The following PPP1R3F variants were observed in gnomAD, a reference collection of about 807,000 sequenced individuals.
PPP1R3F encodes the protein protein phosphatase 1, regulatory (inhibitor) subunit 3F.
In PPP1R3F, 29 loss-of-function variants were observed where a neutral mutation model predicts 24.2. The ratio of observed to expected loss-of-function variants is 1.20; its 90% confidence interval spans 0.89 to 1.63. The LOEUF (loss-of-function observed/expected upper bound fraction) is 1.63, where lower values mean the gene tolerates loss of function less well. Ranked by LOEUF, PPP1R3F falls within the 40% of genes most tolerant of loss-of-function variation. The pLI is 0.00. For synonymous variants in PPP1R3F, 363 were observed against 340.1 expected, an observed-to-expected ratio of 1.07 and a Z score of -0.74; for missense variants, 823 against 729.3, an observed-to-expected ratio of 1.13 and a Z score of -1.48.
rs782048753 is a variant in PPP1R3F at position 49,270,594 on chromosome X, G to T, written c.725G>T (p.Arg242Leu). Residue 242 changes from arginine (R) to leucine (L), a missense_variant, in exon 1 of 4, where the codon CGC becomes CTC. Arg to Leu is a moderately radical substitution (Grantham distance 102). Transcript: ENST00000055335. ...SSPDDGGRTD[R>L]FAFQLPFAEG... is the part of the protein sequence containing the mutation. ...CCCGACGACGGCGGCCGCACCGACCGCTTTGCCTTCCAGCTGCCCTTTGCT... is the reference window on the plus strand; with the variant it reads ...CCCGACGACGGCGGCCGCACCGACCTCTTTGCCTTCCAGCTGCCCTTTGCT... The T allele has an allele frequency of 1.7e-6, 2 of 1,203,339 alleles. No homozygotes were observed. The highest frequency in any genetic ancestry group is 3.5e-5 in the African/African-American group (2 of 57,701).
intron 3 of PPP1R3F, among the ~76,000 whole-genome samples, chrX:49,298,316 T>C (rs887505562): frequency 4.4e-5 from 5 of 112,423 alleles, no homozygotes; most frequent in Admixed American, 3.8e-4. Context: ...GAAAATTCTT[T>C]TCTTTAAGAA....
At chrX:49,279,851 G>C (rs1316785973) in intron 1 of PPP1R3F, among the ~76,000 whole-genome samples, 1 of 112,650 alleles carries the variant, frequency 8.9e-6, no homozygotes, top group Non-Finnish European at 1.9e-5. Flanking sequence ...AATAAGAACA[G>C]TGACTTCTCC....
intron 3 of PPP1R3F, among the ~76,000 whole-genome samples, chrX:49,299,221 C>G (rs782031446): frequency 8.9e-6 from 1 of 112,000 alleles, no homozygotes; most frequent in Non-Finnish European, 1.9e-5. Flanking sequence ...GATGTTGATA[C>G]TACTCCTTTC....
intron 3 of PPP1R3F, among the ~76,000 whole-genome samples, chrX:49,297,754 TTCTTTGTCTCTTTTGA>T (rs782492655): frequency 1.0e-4 from 11 of 110,360 alleles, no homozygotes; most frequent in African/African-American, 3.3e-4. Flanking sequence ...TGTAATGCCC[TTCTTTGTCTCTTTTGA>T]TCTTTGTCTC....
chrX:49,297,185 TTTTATTTATTTATTTA>T (rs200480890), intron 3 of PPP1R3F, among the ~76,000 whole-genome samples: 24 of 94,043 alleles, frequency 2.6e-4, no homozygotes, highest in African/African-American at 8.3e-4. Context: ...CTTGCTTTAT[TTTTATTTATTTATTTA>T]TTTATTTATT....
chrX:49,281,351 G>A, intron 1 of PPP1R3F, 55 bp from the exon 2 acceptor site: 3 of 1,017,539 alleles, frequency 2.9e-6, no homozygotes, highest in Non-Finnish European at 2.7e-6. Context: ...GTGGGTGGCA[G>A]AAGTGACCTC....
At chrX:49,280,756 AG>A (rs2147968987) in intron 1 of PPP1R3F, 1 of 111,198 alleles carries the variant, frequency 9.0e-6, no homozygotes, top group East Asian at 2.8e-4. Flanking sequence ...CATGTTGCCC[AG>A]GCTGGTCTTG....
At chrX:49,289,781 CTT>C (rs1231997825), downstream of PPP1R3F, among the ~76,000 whole-genome samples, 1 of 111,408 alleles carries the variant, frequency 9.0e-6, no homozygotes, top group Non-Finnish European at 1.9e-5. Context: ...TTAAAACAGA[CTT>C]ATGGGCTGGG....
At chrX:49,277,482 G>A (rs868945846) in intron 1 of PPP1R3F, among the ~76,000 whole-genome samples, 1 of 112,646 alleles carries the variant, frequency 8.9e-6, no homozygotes, top group African/African-American at 3.2e-5. Context: ...TGGGGCTGGT[G>A]CCAAAAGAAC....
At position 49,286,820 on chromosome X, in the gene PPP1R3F, G is replaced by A; in HGVS notation, c.2130G>A (p.Leu710=). Residue 710 remains leucine, a synonymous_variant, in exon 4 of 4, where the codon TTG becomes TTA. Transcript: ENST00000055335. ...QGQNPTLLSP[L]GAEVCLSSVA... is the part of the protein sequence containing the mutation. ...AAAATCCCACCCTCCTCAGTCCCTT[G>A]GGGGCCGAAGTCTGTCTCTCTAGTG... The A allele has an allele frequency of 8.3e-7, 1 of 1,201,273 alleles. No homozygotes were observed.
downstream of PPP1R3F, among the ~76,000 whole-genome samples, chrX:49,289,940 G>A (rs1281985997): frequency 9.0e-6 from 1 of 110,592 alleles, no homozygotes; most frequent in Admixed American, 9.6e-5. Flanking sequence ...GTGGTGGTGG[G>A]CGCCTGTAAT....
intron 1 of PPP1R3F, among the ~76,000 whole-genome samples, chrX:49,278,194 A>G (rs1308531160): frequency 8.9e-6 from 1 of 111,732 alleles, no homozygotes; most frequent in Non-Finnish European, 1.9e-5. Flanking sequence ...TCTCACATCT[A>G]TGACTGCAGT....
chrX:49,291,850 C>T (rs1269530383), downstream of PPP1R3F, among the ~76,000 whole-genome samples: 2 of 110,733 alleles, frequency 1.8e-5, no homozygotes, highest in African/African-American at 6.6e-5. Context: ...CCTGCTATCA[C>T]CCACCCGCAT....
Position 49,269,825 on chromosome X carries a change from G to C in PPP1R3F, c.-45G>C. ...GCCCGCCCCTTCAGGCCCTGCCCCC[G>C]CCGGTCCCGCCGCCGGTGCCGTCGG... On this transcript the variant is annotated 5_prime_UTR_variant, in exon 1 of 4. Coordinates refer to ENST00000055335, the MANE Select transcript of PPP1R3F (RefSeq NM_033215.5). 6.0e-6 allele frequency: 5 copies of C among 832,079 alleles called. 1 individual carries two copies. The highest frequency in any genetic ancestry group is 1.1e-4 in the East Asian group (2 of 17,561). The allele number at this position is 832,079 out of a possible 1,213,427, so 68.6% of individuals were successfully genotyped here. A position where few individuals can be genotyped will look rare whatever the true frequency, so the allele number is the denominator to read the frequency against.
chrX:49,275,602 G>T (rs1421305951), intron 1 of PPP1R3F: 2 of 111,344 alleles, frequency 1.8e-5, no homozygotes, highest in African/African-American at 6.5e-5. Context: ...ATCGCAGTTT[G>T]TAGTTATATC....
At chrX:49,275,154 G>C (rs2066204949) in intron 1 of PPP1R3F, 1 of 111,118 alleles carries the variant, frequency 9.0e-6, no homozygotes, top group African/African-American at 3.3e-5. Flanking sequence ...GCCTGTACTT[G>C]CCTTCTGCAC....
chrX:49,291,461 A>G (rs1302509389), downstream of PPP1R3F, among the ~76,000 whole-genome samples: 1 of 107,423 alleles, frequency 9.3e-6, no homozygotes, highest in African/African-American at 3.4e-5. Context: ...CTGAGTAGCT[A>G]GGATTACAGG....
At position 49,270,663 on chromosome X, in the gene PPP1R3F, A is replaced by G. The variant is rs144692571; in HGVS notation, c.794A>G (p.Tyr265Cys). Reference protein sequence around the residue: ...DGARLDFVVRYETPEGTFWAN... With the variant: ...DGARLDFVVRCETPEGTFWAN... ...GCGCGCCTCGACTTCGTGGTGCGCT[A>G]TGAGACCCCTGAGGGCACTTTCTGG... The change falls in exon 1 of 4, where the codon TAT (tyrosine) becomes TGT (cysteine). Residue 265 changes from tyrosine to cysteine, a missense_variant. Tyr to Cys is a radical substitution (Grantham distance 194). Coordinates refer to ENST00000055335, the MANE Select transcript of PPP1R3F (RefSeq NM_033215.5). 223 of 1,208,479 alleles carry G rather than the reference A, an allele frequency of 1.8e-4. No homozygotes were observed. Among genetic ancestry groups the G allele is most frequent in the Non-Finnish European group, 2.4e-4 (212 of 894,541 alleles).
At position 49,269,937 on chromosome X, in the gene PPP1R3F, A is replaced by AGCCCCGCACCTCGGTCGAGGCGGCGGTG; in HGVS notation, c.76_103dup (p.Arg35HisfsTer65). On this transcript the variant is annotated frameshift_variant, in exon 1 of 4. Coordinates refer to ENST00000055335, the MANE Select transcript of PPP1R3F (RefSeq NM_033215.5). LOFTEE classifies it high-confidence loss of function. ...GCGCCCCCCTCGCCGGCCGCGGGTG[A>AGCCCCGCACCTCGGTCGAGGCGGCGGTG]GCCCCGCACCTCGGTCGAGGCGGCG... 3 of 878,600 alleles carry AGCCCCGCACCTCGGTCGAGGCGGCGGTG rather than the reference A, an allele frequency of 3.4e-6. No homozygotes were observed. Among genetic ancestry groups the AGCCCCGCACCTCGGTCGAGGCGGCGGTG allele is most frequent in the Non-Finnish European group, 4.2e-6 (3 of 717,171 alleles). 72.4% of individuals were successfully genotyped at this position (878,600 alleles called of 1,213,427 possible).
Sources: allele counts gnomAD v4.1 joint callset (sites outside exome capture counted in the v4.1 genomes callset), GRCh38; gene constraint gnomAD v4.1.1; transcripts MANE v1.5; gene names NCBI Gene and HGNC (gene_info 2026-07-23, HGNC 2026-07-21).